PDS5A: variants seen among roughly 807,000 people sequenced by gnomAD.
PDS5A encodes PDS5 cohesin associated factor A.
PDS5A carries 42 observed loss-of-function variants against 167.1 expected under a neutral mutation model. That is an observed-to-expected ratio of 0.25 (90% CI 0.20 to 0.33). PDS5A has a LOEUF of 0.33. Ranked by LOEUF, PDS5A falls within the 10% of genes least tolerant of loss-of-function variation. The probability of loss-of-function intolerance (pLI) is 1.00; values close to 1 mark genes in which losing one functional copy is unlikely to be tolerated. For synonymous variants in PDS5A, 553 were observed against 554.6 expected (o/e 1.00, Z 0.04); for missense variants, 1,033 against 1,605.9 (o/e 0.64, Z 6.10).
At chr4:39,948,511 G>T (rs1398774640) in intron 2 of PDS5A, among the ~76,000 whole-genome samples, 2 of 151,728 alleles carry the variant, frequency 1.3e-5, no homozygotes, top group Non-Finnish European at 2.9e-5. Context: ...TTTTAGTAGA[G>T]ATGGGGTTTT....
At chr4:39,868,554 C>T in intron 22 of PDS5A, 1 of 426,824 alleles carries the variant, frequency 2.3e-6, no homozygotes. Context: ...GTCTTGAACT[C>T]CTGACCCCAA....
chr4:39,845,891 AAAAAAAG>A lies in PDS5A; in HGVS notation c.3340-18_3340-12del. ...ATCGTTACAGAAGTCCTATTAAAAA[AAAAAAAG>A]AAAAAGAAAAAAGAAACACCAATCA... is the stretch of plus-strand genomic sequence containing the variant. On this transcript the variant is annotated splice_polypyrimidine_tract_variant and intron_variant, in intron 28 of 32. Transcript: ENST00000303538. 1 of 1,341,582 alleles carries A rather than the reference AAAAAAAG, an allele frequency of 7.5e-7. No homozygotes were observed. 83.1% of individuals were successfully genotyped at this position (1,341,582 alleles called of 1,614,324 possible). A position where few individuals can be genotyped will look rare whatever the true frequency, so the allele number is the denominator to read the frequency against.
chr4:39,922,011 G>T (rs1725026030), intron 6 of PDS5A, among the ~76,000 whole-genome samples: 1 of 152,188 alleles, frequency 6.6e-6, no homozygotes, highest in African/African-American at 2.4e-5. Flanking sequence ...ACCACTAGAA[G>T]AAAAGAGCAG....
chr4:39,895,218 A>AT (rs1344669094), intron 16 of PDS5A, among the ~76,000 whole-genome samples: 1 of 148,126 alleles, frequency 6.8e-6, no homozygotes, highest in African/African-American at 2.6e-5. Flanking sequence ...AAAAAAAAAA[A>AT]AAAAGAGAAA....
chr4:39,869,294 G>C, intron 22 of PDS5A, 100 bp downstream of exon 22: 1 of 783,386 alleles, frequency 1.3e-6, no homozygotes, highest in Non-Finnish European at 2.3e-6. Context: ...AACACAGCAA[G>C]ATCCCATCTC....
intron 11 of PDS5A, among the ~76,000 whole-genome samples, chr4:39,905,184 AT>A (rs1295253121): frequency 6.6e-6 from 1 of 152,130 alleles, no homozygotes; most frequent in Non-Finnish European, 1.5e-5. Context: ...TAACCAGTGA[AT>A]CTAAAAATAT....
intron 30 of PDS5A, among the ~76,000 whole-genome samples, chr4:39,843,390 T>C (rs571693202): frequency 2.0e-5 from 3 of 152,296 alleles, no homozygotes; most frequent in African/African-American, 7.2e-5. Flanking sequence ...TATTTAAAAG[T>C]TAATGTTTTC....
intron 2 of PDS5A, among the ~76,000 whole-genome samples, chr4:39,931,237 C>T (rs969152510): frequency 6.6e-5 from 10 of 151,986 alleles, no homozygotes; most frequent in African/African-American, 1.9e-4. Flanking sequence ...CTACAGCACA[C>T]GCCACCACAC....
intron 2 of PDS5A, among the ~76,000 whole-genome samples, chr4:39,970,988 T>A (rs1730475073): frequency 6.6e-6 from 1 of 151,376 alleles, no homozygotes; most frequent in Non-Finnish European, 1.5e-5. Flanking sequence ...CCCAGGCCTA[T>A]CTCAAATTCC....
intron 14 of PDS5A, 66 bp downstream of exon 14, chr4:39,900,360 T>C (rs570247993): frequency 1.2e-4 from 115 of 969,826 alleles, no homozygotes; most frequent in Non-Finnish European, 1.7e-4. Flanking sequence ...CTTCATTACG[T>C]AGAACTACAG....
At chr4:39,910,970 A>C (rs1489362776) in intron 9 of PDS5A, among the ~76,000 whole-genome samples, 2 of 152,018 alleles carry the variant, frequency 1.3e-5, no homozygotes, top group African/African-American at 4.8e-5. Context: ...CTGTCTCTAC[A>C]AAAAAACACA....
chr4:39,884,467 G>A (rs954371119), intron 17 of PDS5A, among the ~76,000 whole-genome samples: 1 of 152,222 alleles, frequency 6.6e-6, no homozygotes, highest in African/African-American at 2.4e-5. Flanking sequence ...GTACCACGAT[G>A]TACATGTTGG....
At chr4:39,829,867 C>T (rs1446396610) in intron 32 of PDS5A, among the ~76,000 whole-genome samples, 14 of 132,672 alleles carry the variant, frequency 1.1e-4, no homozygotes, top group Non-Finnish European at 1.5e-4. Flanking sequence ...AGGAGAATGG[C>T]GTGAGCCCAG....
chr4:39,893,188 G>A (rs994902756), intron 16 of PDS5A, among the ~76,000 whole-genome samples: 1 of 152,138 alleles, frequency 6.6e-6, no homozygotes, highest in Non-Finnish European at 1.5e-5. Context: ...AAACTATGAC[G>A]CACAGCTGAA....
chr4:39,960,416 C>A (rs1729373589), intron 2 of PDS5A, among the ~76,000 whole-genome samples: 1 of 152,186 alleles, frequency 6.6e-6, no homozygotes, highest in African/African-American at 2.4e-5. Flanking sequence ...ACAATTGTAA[C>A]TGTGTAGAAG....
At chr4:39,902,282 A>G in intron 13 of PDS5A, 65 bp downstream of exon 13, 5 of 700,738 alleles carry the variant, frequency 7.1e-6, no homozygotes, top group East Asian at 2.6e-5. Flanking sequence ...ACAACTAATT[A>G]GATAAGATGA....
At chr4:39,911,261 T>G (rs1384515025) in intron 9 of PDS5A, among the ~76,000 whole-genome samples, 1 of 152,042 alleles carries the variant, frequency 6.6e-6, no homozygotes, top group African/African-American at 2.4e-5. Flanking sequence ...TCAGGCATGG[T>G]GGTGGGTGCC....
At chr4:39,846,034 A>C in intron 28 of PDS5A, 154 bp from the exon 29 acceptor site, 1 of 636,882 alleles carries the variant, frequency 1.6e-6, no homozygotes, top group Middle Eastern at 5.2e-4. Flanking sequence ...CAATCAAAAC[A>C]ATCAAAGCCA....
At chr4:39,945,473 A>AAAAAAAAAAT in intron 2 of PDS5A, among the ~76,000 whole-genome samples, 1 of 151,678 alleles carries the variant, frequency 6.6e-6, no homozygotes, top group Non-Finnish European at 1.5e-5. Context: ...AAAAAAAAAA[A>AAAAAAAAAAT]AAAAAAAATT....
Sources: allele counts gnomAD v4.1 joint callset (sites outside exome capture counted in the v4.1 genomes callset), GRCh38; gene constraint gnomAD v4.1.1; transcripts MANE v1.5; gene names NCBI Gene and HGNC (gene_info 2026-07-23, HGNC 2026-07-21).